The following SZT2 variants were observed in gnomAD, a reference collection of about 807,000 sequenced individuals.
SZT2 encodes the protein SZT2 subunit of KICSTOR complex, also known as KICSTOR complex protein SZT2.
In SZT2, 216 loss-of-function variants were observed where a neutral mutation model predicts 404.2. That is an observed-to-expected ratio of 0.53 (90% confidence interval 0.48 to 0.60). The LOEUF is 0.60. SZT2 is among the 20% of genes least tolerant of loss of function. The pLI is 0.00. For missense variants in SZT2, 3,857 were observed against 4,459.2 expected, an observed-to-expected ratio of 0.86 and a Z score of 3.85; for synonymous variants, 1,693 against 1,749.9, an observed-to-expected ratio of 0.97 and a Z score of 0.81.
chr1:43,430,939 C>T lies in SZT2; in HGVS notation c.4775-10C>T. The T allele has an allele frequency of 6.2e-7, 1 of 1,607,544 alleles. No homozygotes were observed. Among genetic ancestry groups the T allele is most frequent in the Non-Finnish European group, 8.5e-7 (1 of 1,177,486 alleles). ...GCCCTCAGCAACTGCTAACTTTCCC[C>T]CTCTCCCAGGCCAGGTGCTTTCCAG... On this transcript the variant is annotated splice_polypyrimidine_tract_variant and intron_variant, in intron 32 of 71. Coordinates refer to ENST00000634258, the MANE Select transcript of SZT2 (RefSeq NM_001365999.1).
chr1:43,399,608 C>A (rs1251763483), intron 1 of SZT2, among the ~76,000 whole-genome samples: 1 of 151,764 alleles, frequency 6.6e-6, no homozygotes, highest in African/African-American at 2.4e-5. Flanking sequence ...ACTACAGGCA[C>A]CCGCCACCAC....
At chr1:43,440,224 A>G (rs1015792339) in intron 51 of SZT2, among the ~76,000 whole-genome samples, 176 bp downstream of exon 51, 13 of 152,198 alleles carry the variant, frequency 8.5e-5, no homozygotes, top group African/African-American at 3.1e-4. Flanking sequence ...CAGGTGCTAC[A>G]CTGGCAGCAG....
In SZT2 at chr1:43,426,722, G is replaced by C. The variant is rs1303132602; in HGVS notation, c.3222G>C (p.Glu1074Asp). 1 of 1,611,104 alleles carries C rather than the reference G, an allele frequency of 6.2e-7. No individual in the cohort carries two copies. The highest frequency in any genetic ancestry group is 8.5e-7 in the Non-Finnish European group (1 of 1,178,784). ...LRRTCHVPGA[E>D]GPLLGVHGIP... ...TCTCTACCCCCATTGTAGGTGCCGAGGGGCCACTGCTGGGGGTTCATGGGA... is the reference window on the plus strand; with the variant it reads ...TCTCTACCCCCATTGTAGGTGCCGACGGGCCACTGCTGGGGGTTCATGGGA... Residue 1074 changes from glutamate (E) to aspartate (D), a missense_variant, in exon 23 of 72, where the codon GAG becomes GAC. By Grantham distance (45) the Glu-to-Asp change is conservative (BLOSUM62 2). Coordinates refer to ENST00000634258, the MANE Select transcript of SZT2 (RefSeq NM_001365999.1). The surrounding 1 kb of genome is among the most constrained non-coding windows in gnomAD (Gnocchi z 4.9).
Position 43,450,791 on chromosome 1 carries a change from G to C in SZT2, c.*311G>C. On this transcript the variant is annotated 3_prime_UTR_variant, in exon 72 of 72. Coordinates refer to ENST00000634258, the MANE Select transcript of SZT2 (RefSeq NM_001365999.1). The surrounding 1 kb of genome is among the most constrained non-coding windows in gnomAD (Gnocchi z 4.3). ...GGTAGAGTCTCGGGAGTTCACACAG[G>C]GTGGCAAACACCCCCTAGAGCTCCT... The C allele has an allele frequency of 1.4e-6, 1 of 709,992 alleles. No homozygotes were observed. 44.0% of individuals were successfully genotyped at this position (709,992 alleles called of 1,614,324 possible).
Position 43,451,153 on chromosome 1 carries a change from CAA to C in SZT2, c.*674_*675del. 2.4e-6 allele frequency: 3 copies of C among 1,254,038 alleles called. No homozygotes were observed. The highest frequency in any genetic ancestry group is 3.5e-6 in the Non-Finnish European group (3 of 853,004). 77.7% of individuals were successfully genotyped at this position (1,254,038 alleles called of 1,614,324 possible). Reference sequence around the variant, plus strand: ...ACCACCCCATTACAGAGACATATGACAATGTTCAGCAGGTCATCTTTAATGCA... The same window carrying C: ...ACCACCCCATTACAGAGACATATGACTGTTCAGCAGGTCATCTTTAATGCA... On this transcript the variant is annotated 3_prime_UTR_variant, in exon 72 of 72. Transcript: ENST00000634258.
intron 4 of SZT2, among the ~76,000 whole-genome samples, chr1:43,411,228 A>AG (rs1557524996): frequency 3.3e-5 from 5 of 152,206 alleles, no homozygotes; most frequent in African/African-American, 1.2e-4. Flanking sequence ...TTCTGTCTTC[A>AG]TGGAGGGCAC....
chr1:43,417,166 A>G (rs1428628802), intron 7 of SZT2, among the ~76,000 whole-genome samples: 2 of 152,218 alleles, frequency 1.3e-5, no homozygotes, highest in Non-Finnish European at 2.9e-5. Flanking sequence ...GAAAGTCATT[A>G]GTTGGGTTTA....
At chr1:43,391,823 T>C (rs1179639993) in intron 1 of SZT2, among the ~76,000 whole-genome samples, 1 of 83,880 alleles carries the variant, frequency 1.2e-5, no homozygotes, top group Non-Finnish European at 2.6e-5. Flanking sequence ...GGCTCACGCC[T>C]GTAATCCCAG....
intron 62 of SZT2, chr1:43,445,481 G>GTA: frequency 4.2e-6 from 1 of 240,362 alleles, no homozygotes. Flanking sequence ...CTGAAAGCCT[G>GTA]GAACTGCCAT....
chr1:43,390,798 G>T (rs1236354947), intron 1 of SZT2, among the ~76,000 whole-genome samples: 3 of 152,230 alleles, frequency 2.0e-5, no homozygotes, highest in Non-Finnish European at 4.4e-5. Flanking sequence ...TAAAATCTCA[G>T]ATTCGGATAA....
intron 27 of SZT2, 50 bp from the exon 28 acceptor site, chr1:43,428,190 G>A (rs1363356942): frequency 6.2e-7 from 1 of 1,612,984 alleles, no homozygotes; most frequent in East Asian, 2.2e-5. Flanking sequence ...GTGGGGACTG[G>A]AGAGGCCATT....
Position 43,451,976 on chromosome 1 carries a change from C to G in SZT2, c.*1496C>G, listed in dbSNP as rs367869584. The stretch of plus-strand genomic sequence containing the variant: ...CAGGAAGTACTGGGGGTCAGTGATG[C>G]GGGTGTTGATGGGCTCCAGCAGTCC... On this transcript the variant is annotated 3_prime_UTR_variant, in exon 72 of 72. Coordinates refer to ENST00000634258, the MANE Select transcript of SZT2 (RefSeq NM_001365999.1). The G allele has an allele frequency of 6.2e-7, 1 of 1,611,196 alleles. No individual in the cohort carries two copies. The highest frequency in any genetic ancestry group is 2.2e-5 in the East Asian group (1 of 44,810).
intron 4 of SZT2, chr1:43,410,170 A>G (rs928036944): frequency 6.6e-6 from 1 of 152,232 alleles, no homozygotes; most frequent in East Asian, 1.9e-4. Context: ...CAGTCTCTTC[A>G]ATAAATGGTT....
In SZT2 at chr1:43,415,208, A is replaced by G. The variant is rs556689421; in HGVS notation, c.625A>G (p.Ser209Gly). Residue 209 changes from serine (S) to glycine (G), a missense_variant, in exon 5 of 72, where the codon AGC becomes GGC. Physicochemically the swap from Ser to Gly is moderately conservative, Grantham distance 56 (BLOSUM62 0). Around this residue, in one of 7 missense-constraint regions of SZT2, gnomAD observed 536 missense variants for 637.4 expected, o/e 0.84. Transcript: ENST00000634258. ...GCTGCAGCAGCAGTACGATCCCCAG[A>G]GCCAGGTATGTAAGAGAGAAAGTGG... ...TMLQQQYDPQ[S>G]QAEDQSPDSG... 2 of 1,597,866 alleles carry G rather than the reference A, an allele frequency of 1.3e-6. No homozygotes were observed. The highest frequency in any genetic ancestry group is 2.7e-5 in the African/African-American group (2 of 75,026).
chr1:43,431,950 C>G, intron 36 of SZT2, 49 bp downstream of exon 36: 1 of 1,601,232 alleles, frequency 6.2e-7, no homozygotes, highest in South Asian at 1.1e-5. Flanking sequence ...CCCGTCCTTC[C>G]CTGGGCCCCA....
At position 43,448,210 on chromosome 1, in the gene SZT2, C is replaced by G; in HGVS notation, c.9695C>G (p.Pro3232Arg). The change falls in exon 69 of 72, where the codon CCT becomes CGT. Residue 3232 changes from proline (P) to arginine (R), a missense_variant. Pro to Arg is a moderately radical substitution (Grantham distance 103). Around this residue, in one of 7 missense-constraint regions of SZT2, gnomAD observed 717 missense variants for 868.2 expected, o/e 0.83. Coordinates refer to ENST00000634258, the MANE Select transcript of SZT2 (RefSeq NM_001365999.1). This position sits in a 1 kb window ranked among gnomAD's most constrained non-coding sequence, Gnocchi z 4.2. ...PEAPGSSAGS[P>R]GEASGLILAP... The stretch of plus-strand genomic sequence containing the variant: ...GCTCCTGGGAGTTCAGCTGGCAGCC[C>G]TGGGGAGGCCTCAGGGCTTATTCTA... 1.2e-6 allele frequency: 2 copies of G among 1,609,112 alleles called. No individual in the cohort carries two copies. Among genetic ancestry groups the G allele is most frequent in the East Asian group, 2.2e-5 (1 of 44,552 alleles).
Position 43,423,147 on chromosome 1 carries a change from C to T in SZT2, c.2086C>T (p.Arg696Trp), listed in dbSNP as rs574115531. 1.9e-4 allele frequency: 296 copies of T among 1,596,874 alleles called. 5 individuals carry two copies. The South Asian group carries it at 3.0e-3, about 16-fold the overall frequency. ...EEILRLRFPH[R>W]VQSKEPTPKV... ...GATCCTGCGGCTGCGTTTCCCCCAC[C>T]GGGTACAAAGCAAGGAGCCAACGCC... Residue 696 changes from arginine to tryptophan, a missense_variant, in exon 15 of 72, where the codon CGG becomes TGG. Physicochemically the swap from Arg to Trp is moderately radical, Grantham distance 101. Transcript: ENST00000634258.
In SZT2 at chr1:43,432,453, G is replaced by T; in HGVS notation, c.5442+14G>T. 3 of 1,561,470 alleles carry T rather than the reference G, an allele frequency of 1.9e-6. No individual in the cohort carries two copies. The South Asian group carries it at 3.7e-5, about 19-fold the overall frequency. ...ATCGAAGGGGAGGTGAGTCTCACCT[G>T]GGAATGGAGGGGGGTGGTGGGTGTG... On this transcript the variant is annotated intron_variant, in intron 37 of 71. Coordinates refer to ENST00000634258, the MANE Select transcript of SZT2 (RefSeq NM_001365999.1).
chr1:43,450,060 A>AG lies in SZT2; in HGVS notation c.10087-40dup. On this transcript the variant is annotated intron_variant, in intron 70 of 71. Coordinates refer to ENST00000634258, the MANE Select transcript of SZT2 (RefSeq NM_001365999.1). This position sits in a 1 kb window ranked among gnomAD's most constrained non-coding sequence, Gnocchi z 4.3. The stretch of plus-strand genomic sequence containing the variant: ...CCTTCACCTCAGGATGCCCTGTGGG[A>AG]GGGTCTGTAGGGTCTGTGTCCCCTC... 6.2e-7 allele frequency: 1 copy of AG among 1,612,440 alleles called. No homozygotes were observed. Among genetic ancestry groups the AG allele is most frequent in the South Asian group, 1.1e-5 (1 of 90,992 alleles).
Sources: allele counts gnomAD v4.1 joint callset (sites outside exome capture counted in the v4.1 genomes callset), GRCh38; gene constraint gnomAD v4.1.1; regional missense constraint gnomAD v4.1.1; non-coding constraint Gnocchi (gnomAD v3.1); transcripts MANE v1.5; gene names NCBI Gene and HGNC (gene_info 2026-07-23, HGNC 2026-07-21).